FOXP2: variants seen among roughly 807,000 people sequenced by gnomAD.
FOXP2 encodes the protein forkhead box P2, also known as forkhead box protein P2.
A neutral mutation model predicts 115.8 loss-of-function variants in FOXP2; 12 were observed. The observed-to-expected ratio is 0.10, with a 90% CI of 0.07 to 0.17. FOXP2 has a LOEUF of 0.17. Among genes scored for constraint, FOXP2 ranks in the 10% least tolerant of loss-of-function variants. The pLI, the probability that FOXP2 is intolerant of heterozygous loss-of-function variation, is 1.00. For missense variants in FOXP2, 629 were observed against 843.5 expected (o/e 0.75, Z 3.15); for synonymous variants, 328 against 297.7 (o/e 1.10, Z -1.05).
chr7:114,667,550 T>C (rs1455222369), intron 16 of FOXP2: 2 of 152,140 alleles, frequency 1.3e-5, no homozygotes, highest in Non-Finnish European at 2.9e-5. Flanking sequence ...ACAACTCAAA[T>C]AGAACAACAC....
chr7:114,653,412 C>T (rs1256430286), intron 9 of FOXP2: 2 of 169,366 alleles, frequency 1.2e-5, no homozygotes, highest in East Asian at 1.5e-4. Flanking sequence ...CAGAGTTCAG[C>T]GTTTCACACT....
At chr7:114,272,862 A>G (rs375289364) in intron 1 of FOXP2, among the ~76,000 whole-genome samples, 20 of 151,862 alleles carry the variant, frequency 1.3e-4, no homozygotes, top group African/African-American at 4.1e-4. Flanking sequence ...AGGCGCCTCA[A>G]TTTTACTGAT....
At chr7:114,140,426 G>C (rs183153314) in intron 1 of FOXP2, among the ~76,000 whole-genome samples, 3 of 152,096 alleles carry the variant, frequency 2.0e-5, no homozygotes, top group Non-Finnish European at 4.4e-5. Context: ...TGACGTGCAC[G>C]GTTTCTTAAT....
At chr7:114,574,787 C>T (rs748606511) in intron 3 of FOXP2, among the ~76,000 whole-genome samples, 4 of 151,866 alleles carry the variant, frequency 2.6e-5, no homozygotes, top group African/African-American at 4.8e-5. Flanking sequence ...GTCTTTGGCT[C>T]TTATTTTTAA....
chr7:114,563,714 T>A (rs1264236114), intron 3 of FOXP2, among the ~76,000 whole-genome samples: 1 of 152,200 alleles, frequency 6.6e-6, no homozygotes, highest in Admixed American at 6.5e-5. Context: ...AAGTCTTGTA[T>A]AGCCAGAAGT....
chr7:114,215,212 C>T (rs1020403470), intron 1 of FOXP2, among the ~76,000 whole-genome samples: 3 of 151,996 alleles, frequency 2.0e-5, no homozygotes, highest in East Asian at 3.9e-4. Flanking sequence ...AACACAAATA[C>T]TTCTTTTGTT....
At chr7:114,308,894 T>G (rs920464886) in intron 2 of FOXP2, among the ~76,000 whole-genome samples, 1 of 152,102 alleles carries the variant, frequency 6.6e-6, no homozygotes, top group South Asian at 2.1e-4. Flanking sequence ...GCATCAACAG[T>G]AGTAGCCCTG....
intron 2 of FOXP2, among the ~76,000 whole-genome samples, chr7:114,380,307 T>G (rs1484385198): frequency 6.6e-6 from 1 of 152,240 alleles, no homozygotes; most frequent in African/African-American, 2.4e-5. Flanking sequence ...AGAGTCTGTA[T>G]ATATATTTAC....
At chr7:114,175,570 A>G (rs1793266401) in intron 1 of FOXP2, among the ~76,000 whole-genome samples, 1 of 152,160 alleles carries the variant, frequency 6.6e-6, no homozygotes, top group Non-Finnish European at 1.5e-5. Context: ...AAGCTCTCAC[A>G]TTTTTGTTTT....
At chr7:114,480,647 A>C (rs1439112438) in intron 2 of FOXP2, among the ~76,000 whole-genome samples, 1 of 150,502 alleles carries the variant, frequency 6.6e-6, no homozygotes, top group African/African-American at 2.4e-5. Context: ...GTATATGCAT[A>C]TGTGTGTATA....
chr7:114,320,444 C>T (rs969466272), intron 2 of FOXP2, among the ~76,000 whole-genome samples: 10 of 151,940 alleles, frequency 6.6e-5, no homozygotes, highest in Admixed American at 1.3e-4. Flanking sequence ...TACTTAATTA[C>T]GTGTTTGTTT....
chr7:114,633,225 T>C (rs1035892496), intron 6 of FOXP2, among the ~76,000 whole-genome samples: 1 of 152,160 alleles, frequency 6.6e-6, no homozygotes, highest in African/African-American at 2.4e-5. Flanking sequence ...TAAAACATAT[T>C]GTGAAACCAC....
intron 16 of FOXP2, among the ~76,000 whole-genome samples, chr7:114,672,808 A>G (rs1807561199): frequency 6.6e-6 from 1 of 152,174 alleles, no homozygotes; most frequent in African/African-American, 2.4e-5. Context: ...TAGCCTCTGT[A>G]AAGGTATTCC....
intron 1 of FOXP2, among the ~76,000 whole-genome samples, chr7:114,147,242 C>T (rs990887668): frequency 2.0e-5 from 3 of 152,120 alleles, no homozygotes; most frequent in African/African-American, 4.8e-5. Flanking sequence ...ATTTTGCAAA[C>T]TGTAAAATGC....
At position 114,283,988 on chromosome 7, in the gene FOXP2, C is replaced by T. The variant is rs978440509; in HGVS notation, c.-101-4031C>T. Among the ~76,000 whole-genome samples the T allele has an allele frequency of 3.3e-5, 5 of 152,016 alleles. No individual in the cohort carries two copies. The South Asian group carries it at 1.0e-3, about 31-fold the overall frequency. On this transcript the variant is annotated intron_variant, in intron 1 of 17. Transcript: ENST00000634411. ...AAAAGAAGAGCAAAACAAAACAAAA[C>T]ACATAAAAAAACTAATAAATCTTCT...
intron 2 of FOXP2, among the ~76,000 whole-genome samples, chr7:114,321,017 G>T (rs1797406163): frequency 6.6e-6 from 1 of 152,002 alleles, no homozygotes; most frequent in South Asian, 2.1e-4. Flanking sequence ...TTTCACCGTT[G>T]TTTGAACTTT....
chr7:114,213,494 C>G (rs1584550045), intron 1 of FOXP2, among the ~76,000 whole-genome samples: 1 of 152,100 alleles, frequency 6.6e-6, no homozygotes. Context: ...AATCTTGATT[C>G]TTATTTGACC....
At chr7:114,254,546 TC>T in intron 1 of FOXP2, among the ~76,000 whole-genome samples, 1 of 152,366 alleles carries the variant, frequency 6.6e-6, no homozygotes, top group South Asian at 2.1e-4. Context: ...ATTCATTTGA[TC>T]TTCAATCACT....
intron 16 of FOXP2, among the ~76,000 whole-genome samples, chr7:114,680,308 A>C (rs980625730): frequency 1.3e-5 from 2 of 152,208 alleles, no homozygotes; most frequent in African/African-American, 2.4e-5. Flanking sequence ...CATGGATAGA[A>C]CAATTTTTAA....
Sources: gnomAD v4.1 joint callset for allele counts (sites outside exome capture counted in the v4.1 genomes callset) on GRCh38, gnomAD v4.1.1 for gene constraint, MANE v1.5 for transcripts, NCBI Gene and HGNC (gene_info 2026-07-23, HGNC 2026-07-21) for gene names.